Variants in PRPSAP2 observed in about 807,000 individuals in gnomAD.
PRPSAP2 encodes phosphoribosyl pyrophosphate synthase-associated protein 2.
PRPSAP2 carries 24 observed loss-of-function variants against 40.6 expected under a neutral mutation model. The observed-to-expected ratio is 0.59, with a 90% CI of 0.43 to 0.83. The LOEUF is 0.83. Among genes scored for constraint, PRPSAP2 ranks in the 40% least tolerant of loss-of-function variants. PRPSAP2 has a pLI of 0.00. For synonymous variants in PRPSAP2, 149 were observed against 164.7 expected (o/e 0.90, Z 0.73); for missense variants, 292 against 465.6 (o/e 0.63, Z 3.43).
intron 1 of PRPSAP2, among the ~76,000 whole-genome samples, chr17:18,861,906 T>TG (rs2037050519): frequency 2.6e-5 from 4 of 152,018 alleles, no homozygotes; most frequent in Admixed American, 2.6e-4. Flanking sequence ...TTTGTTTGTT[T>TG]TGAGACAGTC....
intron 7 of PRPSAP2, among the ~76,000 whole-genome samples, chr17:18,889,024 G>A (rs2039367463): frequency 6.6e-6 from 1 of 152,146 alleles, no homozygotes; most frequent in Non-Finnish European, 1.5e-5. Flanking sequence ...ATGAGACAAG[G>A]AAATACATGA....
Position 18,867,329 on chromosome 17 carries a change from A to G in PRPSAP2, c.167A>G (p.Asn56Ser). ...MGKVQVYQEP[N>S]RETRVQIQES... ...AAAGTGCAGGTTTACCAGGAACCTA[A>G]CAGAGGTGAGCTATCTTGGGCATGT... is the stretch of plus-strand genomic sequence containing the variant. Residue 56 changes from asparagine to serine, a missense_variant, in exon 4 of 12, where the codon AAC becomes AGC. Asn to Ser is a conservative substitution (Grantham distance 46, BLOSUM62 1). This residue lies in a region of PRPSAP2 where 241 missense variants were observed against 425.7 expected (regional missense o/e 0.57). Transcript: ENST00000268835. The G allele has an allele frequency of 6.2e-7, 1 of 1,614,130 alleles. No homozygotes were observed. The highest frequency in any genetic ancestry group is 8.5e-7 in the Non-Finnish European group (1 of 1,180,020).
chr17:18,925,998 G>A (rs1348731391), intron 10 of PRPSAP2, among the ~76,000 whole-genome samples: 4 of 151,854 alleles, frequency 2.6e-5, no homozygotes, highest in Admixed American at 6.6e-5. Context: ...CCAGCTACTC[G>A]GGAGGCTGAG....
chr17:18,887,039 C>T lies in PRPSAP2; in HGVS notation c.529-2783C>T, dbSNP rs751166653. Among the ~76,000 whole-genome samples the T allele has an allele frequency of 6.3e-5, 9 of 142,194 alleles. No homozygotes were observed. The South Asian group carries it at 6.6e-4, about 10-fold the overall frequency. The allele number at this position is 142,194 out of a possible 152,430, so 93.3% of individuals were successfully genotyped here. ...ACAACCTCCGCCTCCCAGGTTCAAGCGATTCTCCTGCCTCAGCCTCCCGAG... is the reference window on the plus strand; with the variant it reads ...ACAACCTCCGCCTCCCAGGTTCAAGTGATTCTCCTGCCTCAGCCTCCCGAG... On this transcript the variant is annotated intron_variant, in intron 7 of 11. Transcript: ENST00000268835.
At chr17:18,921,263 A>G (rs1367334143) in intron 9 of PRPSAP2, among the ~76,000 whole-genome samples, 2 of 152,158 alleles carry the variant, frequency 1.3e-5, no homozygotes, top group South Asian at 2.1e-4. Context: ...CACTTTTCCC[A>G]TACTTTGGCT....
rs139619965 is a variant in PRPSAP2 at position 18,874,213 on chromosome 17, C to T, written c.239+1564C>T. On this transcript the variant is annotated intron_variant, in intron 5 of 11. Transcript: ENST00000268835. ...TAGAAGGTGAGCCTATCACACCTGG[C>T]CTTAAAGCCCCACTTTCCATTGTGT... 8.6e-3 allele frequency among the ~76,000 whole-genome samples: 1,304 copies of T among 152,228 alleles called. 10 individuals carry two copies. The highest frequency in any genetic ancestry group is 0.015 in the Admixed American group (222 of 15,278).
intron 1 of PRPSAP2, among the ~76,000 whole-genome samples, chr17:18,862,993 TG>T (rs200884572): frequency 0.11 from 15,997 of 151,666 alleles, 1,366 homozygotes; most frequent in East Asian, 0.45. Flanking sequence ...CCTAATTTTT[TG>T]TATTTTTAGT....
At chr17:18,885,379 G>A (rs1483404106) in intron 7 of PRPSAP2, among the ~76,000 whole-genome samples, 1 of 120,804 alleles carries the variant, frequency 8.3e-6, no homozygotes, top group Non-Finnish European at 1.6e-5. Context: ...CGTGATCTGG[G>A]CGACAGAGTG....
At chr17:18,883,205 A>T (rs183743584) in intron 7 of PRPSAP2, among the ~76,000 whole-genome samples, 87 of 151,840 alleles carry the variant, frequency 5.7e-4, no homozygotes, top group Middle Eastern at 3.4e-3. Flanking sequence ...GGAGATGATC[A>T]TTTTTTTTCC....
intron 6 of PRPSAP2, among the ~76,000 whole-genome samples, chr17:18,881,324 C>A (rs533373215): frequency 6.6e-6 from 1 of 151,314 alleles, no homozygotes; most frequent in Non-Finnish European, 1.5e-5. Context: ...CAACCTCCGC[C>A]CCCCCAGGTT....
At chr17:18,875,474 A>C (rs1331611981) in intron 5 of PRPSAP2, among the ~76,000 whole-genome samples, 1 of 151,996 alleles carries the variant, frequency 6.6e-6, no homozygotes, top group Non-Finnish European at 1.5e-5. Flanking sequence ...CTGAGGCACG[A>C]GAATTGCTTG....
In PRPSAP2 at chr17:18,899,156, G is replaced by A. The variant is rs532221994; in HGVS notation, c.584+9279G>A. Among the ~76,000 whole-genome samples the A allele has an allele frequency of 9.9e-4, 150 of 152,226 alleles. 1 individual carries two copies. Among genetic ancestry groups the A allele is most frequent in the African/African-American group, 3.5e-3 (147 of 41,540 alleles). On this transcript the variant is annotated intron_variant, in intron 8 of 11. Coordinates refer to ENST00000268835, the MANE Select transcript of PRPSAP2 (RefSeq NM_002767.4). ...CGACCTCAGGTGATCCACCCACCTT[G>A]GCCTCCCAAAGTGCTGGGATTACAG... is the stretch of plus-strand genomic sequence containing the variant.
chr17:18,882,636 G>C lies in PRPSAP2; in HGVS notation c.481G>C (p.Asp161His), dbSNP rs2038843144. The C allele has an allele frequency of 6.2e-7, 1 of 1,604,508 alleles. No individual in the cohort carries two copies. The highest frequency in any genetic ancestry group is 1.3e-5 in the African/African-American group (1 of 74,678). Reference protein sequence around the residue: ...EIQGFFNIPVDNLRASPFLLQ... With the variant: ...EIQGFFNIPVHNLRASPFLLQ... ...TCAGGGCTTCTTCAATATTCCTGTT[G>C]ACAATTTAAGAGCATCTCCCTTCTT... The change falls in exon 7 of 12, where the codon GAC becomes CAC. Residue 161 changes from aspartate (D) to histidine (H), a missense_variant. This residue lies in a region of PRPSAP2 where 241 missense variants were observed against 425.7 expected (regional missense o/e 0.57). Coordinates refer to ENST00000268835, the MANE Select transcript of PRPSAP2 (RefSeq NM_002767.4).
At chr17:18,872,494 A>G (rs1476441783) in intron 4 of PRPSAP2, 89 bp from the exon 5 acceptor site, 10 of 985,016 alleles carry the variant, frequency 1.0e-5, no homozygotes, top group Non-Finnish European at 1.6e-5. Context: ...ATATTCTATT[A>G]CATTAGGGAA....
At chr17:18,912,075 G>A (rs1445994494) in intron 9 of PRPSAP2, among the ~76,000 whole-genome samples, 1 of 152,146 alleles carries the variant, frequency 6.6e-6, no homozygotes, top group Non-Finnish European at 1.5e-5. Flanking sequence ...CCAGCTCCTT[G>A]GGAGGCTGAG....
intron 9 of PRPSAP2, among the ~76,000 whole-genome samples, chr17:18,913,579 C>G (rs1358633395): frequency 8.2e-6 from 1 of 122,602 alleles, no homozygotes; most frequent in African/African-American, 3.1e-5. Context: ...GACAAGGTCT[C>G]ACTCTGTCAC....
intron 9 of PRPSAP2, chr17:18,917,574 TATTA>T (rs2041407091): frequency 1.4e-5 from 1 of 73,354 alleles, no homozygotes; most frequent in Non-Finnish European, 2.5e-5. Context: ...TTATTATTAT[TATTA>T]TTATTATTTT....
rs754342535 is a variant in PRPSAP2 at position 18,930,686 on chromosome 17, C to T, written c.1098C>T (p.Gly366=). ...ESMSYLFRNI[G]LDD is the part of the protein sequence containing the mutation. ...TGTCCTACCTTTTCAGAAACATAGGCTTAGATGACTGAGTTTTCCTTTAGG... is the reference window on the plus strand; with the variant it reads ...TGTCCTACCTTTTCAGAAACATAGGTTTAGATGACTGAGTTTTCCTTTAGG... The change falls in exon 12 of 12, where the codon GGC becomes GGT. Residue 366 remains glycine (G), a synonymous_variant. Transcript: ENST00000268835. The T allele has an allele frequency of 2.5e-6, 4 of 1,611,142 alleles. No homozygotes were observed. The highest frequency in any genetic ancestry group is 3.4e-6 in the Non-Finnish European group (4 of 1,178,522).
chr17:18,896,378 G>T (rs2039905539), intron 8 of PRPSAP2, among the ~76,000 whole-genome samples: 1 of 152,104 alleles, frequency 6.6e-6, no homozygotes, highest in African/African-American at 2.4e-5. Flanking sequence ...AGGTCTGTGT[G>T]TGTGTGTTTG....
Sources: allele counts gnomAD v4.1 joint callset (sites outside exome capture counted in the v4.1 genomes callset), GRCh38; gene constraint gnomAD v4.1.1; regional missense constraint gnomAD v4.1.1; transcripts MANE v1.5; gene names NCBI Gene and HGNC (gene_info 2026-07-23, HGNC 2026-07-21).